NAV3: variants seen among roughly 807,000 people sequenced by gnomAD.
NAV3 encodes pore membrane and/or filament interacting like protein 1.
In NAV3, 87 loss-of-function variants were observed where a neutral mutation model predicts 244.7. The ratio of observed to expected loss-of-function variants is 0.36; its 90% CI spans 0.30 to 0.42. The LOEUF (loss-of-function observed/expected upper bound fraction) is 0.42. NAV3 is among the 20% of genes least tolerant of loss of function. The probability of loss-of-function intolerance (pLI) is 1.00; values close to 1 mark genes in which losing one functional copy is unlikely to be tolerated. For synonymous variants in NAV3, 1,126 were observed against 1,042.2 expected, an observed-to-expected ratio of 1.08 and a Z score of -1.55; for missense variants, 2,663 against 2,893.3, an observed-to-expected ratio of 0.92 and a Z score of 1.83.
intron 33 of NAV3, among the ~76,000 whole-genome samples, chr12:78,189,521 T>C (rs1156627794): frequency 1.3e-5 from 2 of 150,932 alleles, no homozygotes; most frequent in African/African-American, 4.8e-5. Context: ...AATAAGGAGA[T>C]GGGGTGAAGA....
rs184487750 is a variant in NAV3, at chr12:77,605,982, A to G, written c.72+33716A>G. On this transcript the variant is annotated intron_variant, in intron 2 of 8. Transcript: ENST00000550042. ...GAACATTTTGCATATACAGGAATAT[A>G]TTTTAACATACAACCACTATTTTAC... 4.7e-3 allele frequency among the ~76,000 whole-genome samples: 722 copies of G among 152,334 alleles called. 5 individuals carry two copies. Among genetic ancestry groups the G allele is most frequent in the African/African-American group, 0.017 (688 of 41,582 alleles).
intron 1 of NAV3, among the ~76,000 whole-genome samples, chr12:77,846,309 T>A (rs529140331): frequency 1.3e-5 from 2 of 152,238 alleles, no homozygotes; most frequent in Non-Finnish European, 2.9e-5. Context: ...ATTCATTTTG[T>A]GTTTGCATAA....
chr12:77,700,401 TA>T (rs1457677409), intron 2 of NAV3, among the ~76,000 whole-genome samples: 1 of 152,110 alleles, frequency 6.6e-6, no homozygotes, highest in Non-Finnish European at 1.5e-5. Context: ...GAAAATAAAT[TA>T]AAATTAAAGT....
At chr12:77,902,490 TG>T (rs1885423984) in intron 1 of NAV3, among the ~76,000 whole-genome samples, 1 of 152,194 alleles carries the variant, frequency 6.6e-6, no homozygotes, top group Non-Finnish European at 1.5e-5. Flanking sequence ...ATGCGGTTTT[TG>T]TCATTGGTTC....
chr12:78,085,031 G>A (rs1953559081), intron 12 of NAV3, among the ~76,000 whole-genome samples: 1 of 152,080 alleles, frequency 6.6e-6, no homozygotes, highest in Non-Finnish European at 1.5e-5. Flanking sequence ...TCATCAAAGG[G>A]ATGGGTAATA....
At chr12:77,798,724 G>C (rs1279319753) in intron 2 of NAV3, among the ~76,000 whole-genome samples, 6 of 152,138 alleles carry the variant, frequency 3.9e-5, no homozygotes, top group African/African-American at 1.4e-4. Context: ...ACTATGAGGA[G>C]GTTCTTGAGG....
At chr12:77,638,565 G>A (rs1321949969) in intron 2 of NAV3, among the ~76,000 whole-genome samples, 1 of 152,224 alleles carries the variant, frequency 6.6e-6, no homozygotes, top group Non-Finnish European at 1.5e-5. Flanking sequence ...CTTACTGCAC[G>A]AAGTGCAATT....
At chr12:77,627,677 ATATT>A (rs1871698831) in intron 2 of NAV3, among the ~76,000 whole-genome samples, 1 of 152,182 alleles carries the variant, frequency 6.6e-6, no homozygotes, top group African/African-American at 2.4e-5. Context: ...CCACTACTGG[ATATT>A]TATCCAAAGG....
intron 18 of NAV3, among the ~76,000 whole-genome samples, chr12:78,136,187 C>T (rs1005633984): frequency 6.6e-6 from 1 of 152,182 alleles, no homozygotes; most frequent in East Asian, 1.9e-4. Context: ...AAGCCACTGA[C>T]GGATTCCACA....
At chr12:77,932,350 A>G (rs556927671) in intron 1 of NAV3, among the ~76,000 whole-genome samples, 4 of 152,028 alleles carry the variant, frequency 2.6e-5, no homozygotes, top group Non-Finnish European at 5.9e-5. Context: ...ATTTGATCTG[A>G]TGCTCATACT....
At chr12:77,950,041 CCA>C (rs1455696055) in intron 3 of NAV3, among the ~76,000 whole-genome samples, 1 of 152,010 alleles carries the variant, frequency 6.6e-6, no homozygotes, top group Admixed American at 6.6e-5. Context: ...TCTGAATGTA[CCA>C]CAGTTTATCC....
chr12:77,986,239 G>A (rs2928004), intron 5 of NAV3, among the ~76,000 whole-genome samples: 81,506 of 151,782 alleles, frequency 0.54, 22,670 homozygotes, highest in East Asian at 0.72. Context: ...GCACGCACCC[G>A]TAATCTAAGC....
Position 78,210,429 on chromosome 12 carries a change from C to T in NAV3, c.7070C>T (p.Ala2357Val), listed in dbSNP as rs769108163. 6.2e-7 allele frequency: 1 copy of T among 1,613,614 alleles called. No individual in the cohort carries two copies. Among genetic ancestry groups the T allele is most frequent in the Non-Finnish European group, 8.5e-7 (1 of 1,179,842 alleles). Reference sequence around the variant, plus strand: ...ATGCTAATGAAACTCCAAGAAGCAGCCAATTACTCGAGCACACAAAGCTGC... The same window carrying T: ...ATGCTAATGAAACTCCAAGAAGCAGTCAATTACTCGAGCACACAAAGCTGC... ...MNMLMKLQEA[A>V]NYSSTQSCDS... Residue 2357 changes from alanine (A) to valine (V), a missense_variant, in exon 40 of 40, where the codon GCC becomes GTC. This residue lies in a region of NAV3 where 543 missense variants were observed against 672.4 expected (regional missense o/e 0.81). Transcript: ENST00000397909.
chr12:77,625,948 A>G (rs1302522717), intron 2 of NAV3, among the ~76,000 whole-genome samples: 3 of 152,208 alleles, frequency 2.0e-5, no homozygotes, highest in African/African-American at 7.2e-5. Context: ...ATGAGTAAAC[A>G]CACACAAAAA....
chr12:77,945,121 G>GA (rs35006584), intron 3 of NAV3, among the ~76,000 whole-genome samples: 51,162 of 145,024 alleles, frequency 0.35, 9,061 homozygotes, highest in East Asian at 0.45. Context: ...CACTGTTAGA[G>GA]AAAAAAAAAA....
At chr12:77,944,870 G>A (rs948366956) in intron 3 of NAV3, among the ~76,000 whole-genome samples, 7 of 152,118 alleles carry the variant, frequency 4.6e-5, no homozygotes, top group African/African-American at 7.2e-5. Flanking sequence ...GCTCTAATAC[G>A]TGGACTACCC....
At chr12:78,000,216 A>C (rs1297589814) in intron 7 of NAV3, among the ~76,000 whole-genome samples, 1 of 152,154 alleles carries the variant, frequency 6.6e-6, no homozygotes, top group African/African-American at 2.4e-5. Flanking sequence ...AGATAGTAGC[A>C]ATATTGATTA....
At chr12:77,647,514 A>G (rs1467595590) in intron 2 of NAV3, among the ~76,000 whole-genome samples, 18 of 150,996 alleles carry the variant, frequency 1.2e-4, no homozygotes, top group Non-Finnish European at 1.5e-5. Context: ...TTTTAATTTC[A>G]GAAATTTGAG....
intron 1 of NAV3, among the ~76,000 whole-genome samples, chr12:77,870,990 ACACT>A (rs1057141840): frequency 6.6e-6 from 1 of 152,232 alleles, no homozygotes; most frequent in African/African-American, 2.4e-5. Context: ...AGGCATGTAC[ACACT>A]CACACGCAAG....
Sources: gnomAD v4.1 joint callset for allele counts (sites outside exome capture counted in the v4.1 genomes callset) on GRCh38, gnomAD v4.1.1 for gene constraint, gnomAD v4.1.1 regional missense constraint, MANE v1.5 for transcripts, NCBI Gene and HGNC (gene_info 2026-07-23, HGNC 2026-07-21) for gene names.